The following CPA6 variants were observed in gnomAD, a reference collection of about 807,000 sequenced individuals.
The protein encoded by CPA6 is carboxypeptidase B.
A neutral mutation model predicts 63.3 loss-of-function variants in CPA6; 58 were observed. That is an observed-to-expected ratio of 0.92 (90% CI 0.74 to 1.14). The LOEUF is 1.14. CPA6 is among the 50% of genes most tolerant of loss of function. The pLI is 0.00. For missense variants in CPA6, 565 were observed against 526.6 expected (o/e 1.07, Z -0.71); for synonymous variants, 185 against 179.0 (o/e 1.03, Z -0.27).
At chr8:67,708,771 ATCT>A (rs751958388) in intron 1 of CPA6, among the ~76,000 whole-genome samples, 8 of 152,176 alleles carry the variant, frequency 5.3e-5, no homozygotes, top group Non-Finnish European at 1.0e-4. Flanking sequence ...CAGAAGACTA[ATCT>A]TCATCCAGAT....
chr8:67,505,718 A>C (rs1161429641), intron 6 of CPA6, among the ~76,000 whole-genome samples: 2 of 152,300 alleles, frequency 1.3e-5, no homozygotes, highest in Admixed American at 1.3e-4. Context: ...AAGATTAAGC[A>C]TACTTTTGTG....
intron 1 of CPA6, among the ~76,000 whole-genome samples, chr8:67,679,017 A>G (rs773672292): frequency 1.7e-4 from 26 of 152,338 alleles, no homozygotes; most frequent in Non-Finnish European, 2.9e-4. Context: ...AAATTAAGGT[A>G]TGGTGTTAAA....
At chr8:67,431,928 G>T (rs895002738) in intron 9 of CPA6, among the ~76,000 whole-genome samples, 7 of 152,138 alleles carry the variant, frequency 4.6e-5, no homozygotes, top group African/African-American at 1.7e-4. Flanking sequence ...GCAGGATTTG[G>T]AGTTTAAGGT....
Position 67,422,661 on chromosome 8 carries a change from G to A in CPA6, c.1157C>T (p.Ala386Val). The A allele has an allele frequency of 6.2e-7, 1 of 1,613,086 alleles. No homozygotes were observed. The highest frequency in any genetic ancestry group is 8.5e-7 in the Non-Finnish European group (1 of 1,179,620). ...YVSSGSSMDW[A>V]YKNGIPYAFA... The stretch of plus-strand genomic sequence containing the variant: ...TGCATAAGGTATTCCATTTTTGTAG[G>A]CCCAATCCATTGAGCTACCAGAGCT... Residue 386 changes from alanine (A) to valine (V), a missense_variant, in exon 11 of 11, where the codon GCC becomes GTC. Physicochemically the swap from Ala to Val is moderately conservative, Grantham distance 64. Transcript: ENST00000297770.
At chr8:67,441,373 T>G (rs1160130098) in intron 8 of CPA6, among the ~76,000 whole-genome samples, 6 of 152,216 alleles carry the variant, frequency 3.9e-5, no homozygotes, top group African/African-American at 1.4e-4. Context: ...ACCATGTGCA[T>G]GAATATGATG....
chr8:67,634,498 G>C (rs1216335609), intron 1 of CPA6, among the ~76,000 whole-genome samples: 1 of 151,482 alleles, frequency 6.6e-6, no homozygotes, highest in Non-Finnish European at 1.5e-5. Context: ...GATTACAGGC[G>C]TGAGCCACAC....
intron 1 of CPA6, among the ~76,000 whole-genome samples, chr8:67,715,219 G>A (rs1817352865): frequency 6.6e-6 from 1 of 152,140 alleles, no homozygotes; most frequent in Admixed American, 6.5e-5. Flanking sequence ...TAAGGGCTCA[G>A]CCAGCCTCAC....
intron 8 of CPA6, among the ~76,000 whole-genome samples, chr8:67,469,895 G>A (rs749833767): frequency 4.0e-5 from 6 of 151,814 alleles, no homozygotes; most frequent in Non-Finnish European, 5.9e-5. Flanking sequence ...TCTAATCTCA[G>A]TGATTTGAAA....
chr8:67,522,688 C>A (rs7838233), intron 2 of CPA6, among the ~76,000 whole-genome samples: 1 of 152,224 alleles, frequency 6.6e-6, no homozygotes, highest in Non-Finnish European at 1.5e-5. Flanking sequence ...GCTCTAACAT[C>A]CCTGGGGCTT....
chr8:67,572,010 C>T lies in CPA6; in HGVS notation c.192+52166G>A, dbSNP rs552654938. 1.7e-4 allele frequency among the ~76,000 whole-genome samples: 25 copies of T among 151,506 alleles called. No individual in the cohort carries two copies. In the South Asian group the frequency reaches 2.5e-3, roughly 15 times the overall value. On this transcript the variant is annotated intron_variant, in intron 2 of 10. Transcript: ENST00000297770. Reference sequence around the variant, plus strand: ...AAAGTGGAAACATTACAACTGACACCGCAGAAATACAAAGAAAAATAAGAG... The same window carrying T: ...AAAGTGGAAACATTACAACTGACACTGCAGAAATACAAAGAAAAATAAGAG...
At chr8:67,657,503 T>C (rs998482856) in intron 1 of CPA6, among the ~76,000 whole-genome samples, 7 of 152,190 alleles carry the variant, frequency 4.6e-5, no homozygotes, top group African/African-American at 7.2e-5. Context: ...TATAAGTCAA[T>C]AGCAATGATA....
At chr8:67,697,120 C>T (rs559930672) in intron 1 of CPA6, among the ~76,000 whole-genome samples, 1 of 152,330 alleles carries the variant, frequency 6.6e-6, no homozygotes, top group East Asian at 1.9e-4. Flanking sequence ...CAGCCACTGT[C>T]AAACCCAAGT....
chr8:67,665,164 T>C (rs1011114358), intron 1 of CPA6, among the ~76,000 whole-genome samples: 5 of 152,206 alleles, frequency 3.3e-5, no homozygotes, highest in Non-Finnish European at 7.3e-5. Context: ...TTCTATTTCT[T>C]CACGGGAAAA....
At chr8:67,716,181 G>A (rs867282619) in intron 1 of CPA6, among the ~76,000 whole-genome samples, 94 of 142,694 alleles carry the variant, frequency 6.6e-4, no homozygotes, top group Admixed American at 2.2e-3. Context: ...AAAAAAAGGA[G>A]AGAGAGAAGT....
At chr8:67,433,649 A>C (rs1384852514) in intron 9 of CPA6, among the ~76,000 whole-genome samples, 1 of 152,222 alleles carries the variant, frequency 6.6e-6, no homozygotes, top group Non-Finnish European at 1.5e-5. Flanking sequence ...CTATGATACT[A>C]ATCAAATCCA....
chr8:67,561,166 AT>A (rs1813201992), intron 2 of CPA6, among the ~76,000 whole-genome samples: 1 of 152,112 alleles, frequency 6.6e-6, no homozygotes, highest in Non-Finnish European at 1.5e-5. Flanking sequence ...GAACTTCAAA[AT>A]TTTAATCTTG....
chr8:67,672,910 T>TC (rs896520551), intron 1 of CPA6, among the ~76,000 whole-genome samples: 10 of 151,940 alleles, frequency 6.6e-5, no homozygotes, highest in African/African-American at 1.9e-4. Flanking sequence ...TTCACTAACT[T>TC]TTTTTTTAAA....
At chr8:67,550,249 T>C (rs1812911422) in intron 2 of CPA6, among the ~76,000 whole-genome samples, 1 of 152,118 alleles carries the variant, frequency 6.6e-6, no homozygotes, top group African/African-American at 2.4e-5. Flanking sequence ...TTTATGTCCG[T>C]GAGTACTTGA....
chr8:67,609,239 C>T (rs996387953), intron 2 of CPA6, among the ~76,000 whole-genome samples: 1 of 152,206 alleles, frequency 6.6e-6, no homozygotes, highest in Non-Finnish European at 1.5e-5. Flanking sequence ...GATTACAACA[C>T]CCTCAAATAA....
Sources: gnomAD v4.1 joint callset for allele counts (sites outside exome capture counted in the v4.1 genomes callset) on GRCh38, gnomAD v4.1.1 for gene constraint, MANE v1.5 for transcripts, NCBI Gene and HGNC (gene_info 2026-07-23, HGNC 2026-07-21) for gene names.